SUCLG2: variants seen among roughly 807,000 people sequenced by gnomAD.
SUCLG2 encodes the protein succinate-CoA ligase GDP-forming subunit beta.
Under a neutral mutation model 47.9 loss-of-function variants are expected in SUCLG2, and 42 were observed. The ratio of observed to expected loss-of-function variants is 0.88; its 90% confidence interval spans 0.69 to 1.14. The LOEUF (loss-of-function observed/expected upper bound fraction) is 1.14. Ranked by LOEUF, SUCLG2 falls within the 50% of genes most tolerant of loss-of-function variation. SUCLG2 has a pLI of 0.00. For synonymous variants in SUCLG2, 195 were observed against 197.3 expected (o/e 0.99, Z 0.10); for missense variants, 571 against 525.9 (o/e 1.09, Z -0.84).
chr3:67,517,980 G>A (rs1320707905), intron 6 of SUCLG2, among the ~76,000 whole-genome samples: 1 of 152,138 alleles, frequency 6.6e-6, no homozygotes, highest in Non-Finnish European at 1.5e-5. Flanking sequence ...AGAAAAAATA[G>A]AGATTACCAT....
Position 67,496,586 on chromosome 3 carries a change from T to C in SUCLG2, c.920-646A>G, listed in dbSNP as rs544047347. Among the ~76,000 whole-genome samples the C allele has an allele frequency of 6.6e-4, 100 of 152,316 alleles. 2 individuals are homozygous for C. In the South Asian group the frequency reaches 0.021, roughly 31 times the overall value. On this transcript the variant is annotated intron_variant, in intron 8 of 10. Coordinates refer to ENST00000307227, the MANE Select transcript of SUCLG2 (RefSeq NM_003848.4). ...CAAAAACAATATTCTTATCCCCTTG[T>C]TCCTCTTTCAAATTAATATAAGCAA...
At chr3:67,605,701 C>CAA (rs1385209984) in intron 2 of SUCLG2, among the ~76,000 whole-genome samples, 114 of 152,256 alleles carry the variant, frequency 7.5e-4, no homozygotes, top group African/African-American at 2.7e-3. Context: ...CACACACACA[C>CAA]AACCATGCAT....
chr3:67,395,372 C>T (rs1339156563), intron 10 of SUCLG2, among the ~76,000 whole-genome samples: 2 of 152,144 alleles, frequency 1.3e-5, no homozygotes, highest in African/African-American at 2.4e-5. Context: ...GGGTTGCAAT[C>T]CTAGTCTCTG....
At position 67,650,406 on chromosome 3, in the gene SUCLG2, G is replaced by C. The variant is rs192236647; in HGVS notation, c.84+4097C>G. 1.7e-4 allele frequency among the ~76,000 whole-genome samples: 26 copies of C among 152,320 alleles called. 1 individual carries two copies. The East Asian group carries it at 3.7e-3, about 21-fold the overall frequency. On this transcript the variant is annotated intron_variant, in intron 1 of 10. Transcript: ENST00000307227. The stretch of plus-strand genomic sequence containing the variant: ...TTTCTTTGACAACATACATTCCTCT[G>C]TAAGTCCCTGGACAGAAGCTCTGGG...
chr3:67,394,312 C>T (rs762374272), intron 10 of SUCLG2, among the ~76,000 whole-genome samples: 6,816 of 150,608 alleles, frequency 0.045, 228 homozygotes, highest in Middle Eastern at 0.11. Flanking sequence ...ATAACCAATA[C>T]AGAGAAGTGC....
At chr3:67,458,106 G>A (rs1044867843) in intron 9 of SUCLG2, among the ~76,000 whole-genome samples, 1 of 152,206 alleles carries the variant, frequency 6.6e-6, no homozygotes, top group East Asian at 1.9e-4. Flanking sequence ...TCAACAACTG[G>A]GGATGAGGGA....
chr3:67,391,323 T>G, intron 10 of SUCLG2, among the ~76,000 whole-genome samples: 1 of 152,102 alleles, frequency 6.6e-6, no homozygotes, highest in East Asian at 1.9e-4. Context: ...GAGCCACAAA[T>G]AGAAGAGTAC....
At chr3:67,607,108 C>T (rs1166578786) in intron 2 of SUCLG2, among the ~76,000 whole-genome samples, 1 of 152,158 alleles carries the variant, frequency 6.6e-6, no homozygotes, top group Non-Finnish European at 1.5e-5. Flanking sequence ...GAGTAGCAGA[C>T]GCACAACTCT....
intron 1 of SUCLG2, among the ~76,000 whole-genome samples, chr3:67,613,022 T>C (rs1216107983): frequency 1.3e-5 from 2 of 152,228 alleles, no homozygotes; most frequent in Non-Finnish European, 2.9e-5. Context: ...GGAGCTTCCA[T>C]GCCCTCTCTG....
chr3:67,455,287 C>T (rs1033693688), intron 9 of SUCLG2, among the ~76,000 whole-genome samples: 1 of 152,112 alleles, frequency 6.6e-6, no homozygotes, highest in Non-Finnish European at 1.5e-5. Context: ...TGCCTCTGGC[C>T]CATCCTCCTC....
At chr3:67,574,394 C>G (rs1170181168) in intron 2 of SUCLG2, among the ~76,000 whole-genome samples, 1 of 152,144 alleles carries the variant, frequency 6.6e-6, no homozygotes. Context: ...ATCAATGGAA[C>G]AGAATCGAGA....
chr3:67,557,397 C>A (rs1022082028), intron 2 of SUCLG2, among the ~76,000 whole-genome samples: 3 of 152,120 alleles, frequency 2.0e-5, no homozygotes, highest in African/African-American at 7.2e-5. Flanking sequence ...TGAATTCCTA[C>A]CACGTCCTGA....
intron 2 of SUCLG2, among the ~76,000 whole-genome samples, chr3:67,557,872 C>G (rs953400486): frequency 6.6e-6 from 1 of 152,122 alleles, no homozygotes; most frequent in Non-Finnish European, 1.5e-5. Context: ...CTGATTCTAC[C>G]AAGAGTGACC....
intron 9 of SUCLG2, among the ~76,000 whole-genome samples, chr3:67,437,655 AAAG>A (rs977150133): frequency 2.0e-5 from 3 of 152,018 alleles, no homozygotes; most frequent in African/African-American, 7.2e-5. Flanking sequence ...TTTTTTTTTA[AAAG>A]AAGAGGCTTT....
intron 9 of SUCLG2, among the ~76,000 whole-genome samples, chr3:67,403,910 C>T (rs556888856): frequency 1.3e-5 from 2 of 152,164 alleles, no homozygotes; most frequent in East Asian, 1.9e-4. Context: ...TTTTGAGACA[C>T]GTTTTGACTG....
At chr3:67,437,742 G>A (rs557785972) in intron 9 of SUCLG2, among the ~76,000 whole-genome samples, 3 of 151,978 alleles carry the variant, frequency 2.0e-5, no homozygotes, top group East Asian at 1.9e-4. Context: ...TTGGTTGAAC[G>A]TAAAGTTCTT....
intron 9 of SUCLG2, among the ~76,000 whole-genome samples, chr3:67,430,097 G>A (rs192524928): frequency 2.7e-4 from 41 of 152,250 alleles, no homozygotes; most frequent in African/African-American, 9.2e-4. Flanking sequence ...GCACCAAGTG[G>A]ACCTAATAGA....
At chr3:67,369,242 A>G (rs1470216404) in intron 10 of SUCLG2, among the ~76,000 whole-genome samples, 1 of 152,042 alleles carries the variant, frequency 6.6e-6, no homozygotes, top group Admixed American at 6.6e-5. Flanking sequence ...TTCTTTAGGG[A>G]TTTAAAAAAT....
chr3:67,626,925 A>AT (rs1248020608), intron 1 of SUCLG2, among the ~76,000 whole-genome samples: 1 of 151,494 alleles, frequency 6.6e-6, no homozygotes, highest in African/African-American at 2.4e-5. Flanking sequence ...AAAAAAAAAA[A>AT]AAAAAAAAAA....
Sources: gnomAD v4.1 joint callset for allele counts (sites outside exome capture counted in the v4.1 genomes callset) on GRCh38, gnomAD v4.1.1 for gene constraint, MANE v1.5 for transcripts, NCBI Gene and HGNC (gene_info 2026-07-23, HGNC 2026-07-21) for gene names.